COL27A1: variants seen among roughly 807,000 people sequenced by gnomAD.
COL27A1 encodes collagen type XXVII alpha 1 chain, also known as collagen alpha-1(XXVII) chain.
Under a neutral mutation model 251.3 loss-of-function variants are expected in COL27A1, and 106 were observed. That is an observed-to-expected ratio of 0.42 (90% confidence interval 0.36 to 0.50). The LOEUF is 0.50. Ranked by LOEUF, COL27A1 falls within the 20% of genes least tolerant of loss-of-function variation. COL27A1 has a pLI of 0.00. For missense variants in COL27A1, 2,325 were observed against 2,522.8 expected (o/e 0.92, Z 1.68); for synonymous variants, 1,000 against 986.3 (o/e 1.01, Z -0.26).
At chr9:114,269,428 C>A (rs1834971238) in intron 35 of COL27A1, 134 bp downstream of exon 35, 2 of 577,324 alleles carry the variant, frequency 3.5e-6, no homozygotes, top group Non-Finnish European at 6.1e-6. Context: ...ATGTCTACAG[C>A]CTCGCCCAGT....
rs370592567 is a variant in COL27A1 at position 114,282,340 on chromosome 9, C to T, written c.3771+10C>T. ...CCGCACTGGAGCCAAGGTAGGTGTC[C>T]CCTTCTGACTTGATAGGCCTGCGTC... is the stretch of plus-strand genomic sequence containing the variant. On this transcript the variant is annotated intron_variant, in intron 38 of 60. Coordinates refer to ENST00000356083, the MANE Select transcript of COL27A1 (RefSeq NM_032888.4). The T allele has an allele frequency of 3.1e-6, 5 of 1,613,952 alleles. No individual in the cohort carries two copies. The African/African-American group carries it at 4.0e-5, about 13-fold the overall frequency.
Position 114,306,686 on chromosome 9 carries a change from A to C in COL27A1, c.5105A>C (p.Asp1702Ala). 6.2e-7 allele frequency: 1 copy of C among 1,612,612 alleles called. No individual in the cohort carries two copies. The highest frequency in any genetic ancestry group is 8.5e-7 in the Non-Finnish European group (1 of 1,179,504). ...DLMDCEQKMV[D>A]GTYWVDPNLG... ...ATGGACTGTGAGCAGAAGATGGTGG[A>C]TGGTGAGAAGGCTTCCTGCCGGGGG... Residue 1702 changes from aspartate (D) to alanine (A), a missense_variant and splice_region_variant, in exon 58 of 61, where the codon GAT (aspartate) becomes GCT (alanine). By Grantham distance (126) the Asp-to-Ala change is moderately radical. Transcript: ENST00000356083.
At chr9:114,220,508 G>A (rs1373682999) in intron 13 of COL27A1, among the ~76,000 whole-genome samples, 3 of 152,200 alleles carry the variant, frequency 2.0e-5, no homozygotes, top group Admixed American at 6.5e-5. Context: ...CCGATTAGGC[G>A]CTAATTCAGT....
chr9:114,305,538 T>C (rs1828975646), intron 57 of COL27A1, among the ~76,000 whole-genome samples: 1 of 152,194 alleles, frequency 6.6e-6, no homozygotes, highest in Non-Finnish European at 1.5e-5. Flanking sequence ...GGCGGTAGAA[T>C]AGAGGCTTAT....
chr9:114,282,840 A>AAT (rs1836012393), intron 39 of COL27A1, among the ~76,000 whole-genome samples: 1 of 152,246 alleles, frequency 6.6e-6, no homozygotes, highest in Non-Finnish European at 1.5e-5. Context: ...CTATGGACCC[A>AAT]AATTAATAAG....
intron 12 of COL27A1, among the ~76,000 whole-genome samples, chr9:114,211,790 G>A (rs1374198919): frequency 6.6e-6 from 1 of 152,302 alleles, no homozygotes; most frequent in South Asian, 2.1e-4. Flanking sequence ...TAGACTCTTC[G>A]CCTGGAAGGA....
rs192307107 is a variant in COL27A1 at position 114,170,287 on chromosome 9, T to C, written c.1908+824T>C. 2.6e-5 allele frequency among the ~76,000 whole-genome samples: 4 copies of C among 152,334 alleles called. No homozygotes were observed. In the East Asian group the frequency reaches 7.7e-4, roughly 29 times the overall value. ...AGAAGAAAGAACACGATTTGCAGGA[T>C]GGTCTCAGGGTCGATGCCTCCGGCT... On this transcript the variant is annotated intron_variant, in intron 3 of 60. Coordinates refer to ENST00000356083, the MANE Select transcript of COL27A1 (RefSeq NM_032888.4).
intron 45 of COL27A1, 59 bp from the exon 46 acceptor site, chr9:114,289,999 C>G: frequency 6.4e-7 from 1 of 1,570,680 alleles, no homozygotes. Flanking sequence ...CCTTCCAGAG[C>G]CCCTAGGGTC....
intron 5 of COL27A1, among the ~76,000 whole-genome samples, chr9:114,190,939 T>A (rs76098331): frequency 2.0e-5 from 3 of 152,224 alleles, no homozygotes; most frequent in African/African-American, 4.8e-5. Flanking sequence ...ATATTTCTTA[T>A]TGGAAGATTT....
intron 28 of COL27A1, among the ~76,000 whole-genome samples, chr9:114,263,071 T>C (rs1834466982): frequency 1.3e-5 from 2 of 152,020 alleles, no homozygotes; most frequent in South Asian, 4.2e-4. Flanking sequence ...CCTGAGTAGC[T>C]GGGACTACAG....
intron 12 of COL27A1, among the ~76,000 whole-genome samples, chr9:114,219,009 GGGA>G (rs1367230636): frequency 6.6e-6 from 1 of 151,972 alleles, no homozygotes; most frequent in Non-Finnish European, 1.5e-5. Flanking sequence ...ATTCAAGGAG[GGGA>G]GGAGAACAGG....
Position 114,169,157 on chromosome 9 carries a change from G to A in COL27A1, c.1602G>A (p.Lys534=). The part of the protein sequence containing the change: ...PTPGSAPTGS[K]KPIGSEASKK... ...CTGGCTCAGCTCCCACTGGAAGCAA[G>A]AAGCCCATTGGATCGGAAGCCTCAA... is the stretch of plus-strand genomic sequence containing the variant. Residue 534 remains lysine (K), a synonymous_variant, in exon 3 of 61, where the codon AAG becomes AAA. Transcript: ENST00000356083. 1.2e-6 allele frequency: 2 copies of A among 1,614,108 alleles called. No homozygotes were observed. The highest frequency in any genetic ancestry group is 2.2e-5 in the South Asian group (2 of 91,070).
At position 114,275,753 on chromosome 9, in the gene COL27A1, C is replaced by G; in HGVS notation, c.3702C>G (p.Gly1234=). The G allele has an allele frequency of 6.5e-7, 1 of 1,547,494 alleles. No homozygotes were observed. The highest frequency in any genetic ancestry group is 8.7e-7 in the Non-Finnish European group (1 of 1,145,886). ...AGGACGGGCCCCCCGGCCCCCCTGG[C>G]GTCACTGGTGTCCGGGTGAGTGTGC... ...MGEDGPPGPP[G]VTGVRGPEGK... The change falls in exon 37 of 61, where the codon GGC becomes GGG. Residue 1234 remains glycine (G), a synonymous_variant. Transcript: ENST00000356083.
At chr9:114,233,743 G>A (rs1832133538) in intron 16 of COL27A1, among the ~76,000 whole-genome samples, 1 of 152,066 alleles carries the variant, frequency 6.6e-6, no homozygotes, top group Non-Finnish European at 1.5e-5. Context: ...GAGTTGCCTG[G>A]GACATTTAGA....
intron 50 of COL27A1, 25 bp downstream of exon 50, chr9:114,300,148 TC>T (rs756295809): frequency 1.2e-6 from 2 of 1,602,544 alleles, no homozygotes; most frequent in South Asian, 1.1e-5. Context: ...GGCTCACTGT[TC>T]CTGTGGGGTC....
intron 4 of COL27A1, 129 bp from the exon 5 acceptor site, chr9:114,182,893 T>A: frequency 2.5e-6 from 2 of 797,058 alleles, no homozygotes; most frequent in Non-Finnish European, 4.2e-6. Flanking sequence ...CACGACAGTG[T>A]TGCTAGGGCT....
chr9:114,274,491 G>T (rs1225393510), intron 36 of COL27A1, among the ~76,000 whole-genome samples: 1 of 152,204 alleles, frequency 6.6e-6, no homozygotes, highest in Non-Finnish European at 1.5e-5. Flanking sequence ...GAAAGCTTTT[G>T]TGGGGATTAA....
At chr9:114,197,320 G>T (rs554079381) in intron 7 of COL27A1, among the ~76,000 whole-genome samples, 1 of 152,066 alleles carries the variant, frequency 6.6e-6, no homozygotes, top group African/African-American at 2.4e-5. Flanking sequence ...GCAGGACCTC[G>T]TTCCCCCATT....
At chr9:114,167,401 G>C (rs1195613621) in intron 2 of COL27A1, among the ~76,000 whole-genome samples, 1 of 152,222 alleles carries the variant, frequency 6.6e-6, no homozygotes, top group African/African-American at 2.4e-5. Flanking sequence ...AGATTAGTAA[G>C]TGTTAGAGGT....
Sources: allele counts gnomAD v4.1 joint callset (sites outside exome capture counted in the v4.1 genomes callset), GRCh38; gene constraint gnomAD v4.1.1; transcripts MANE v1.5; gene names NCBI Gene and HGNC (gene_info 2026-07-23, HGNC 2026-07-21).